AKAP7: variants seen among roughly 807,000 people sequenced by gnomAD.
AKAP7 encodes A-kinase anchoring protein 7.
Under a neutral mutation model 39.5 loss-of-function variants are expected in AKAP7, and 39 were observed. That is an observed-to-expected ratio of 0.99 (90% CI 0.76 to 1.29). The LOEUF is 1.29. AKAP7 is among the 50% of genes most tolerant of loss of function. The probability of loss-of-function intolerance (pLI) is 0.00; values close to 1 mark genes in which losing one functional copy is unlikely to be tolerated. For synonymous variants in AKAP7, 140 were observed against 139.1 expected (o/e 1.01, Z -0.05); for missense variants, 414 against 407.7 (o/e 1.02, Z -0.13).
chr6:131,258,154 A>C (rs1331470595), intron 7 of AKAP7, among the ~76,000 whole-genome samples: 1 of 152,188 alleles, frequency 6.6e-6, no homozygotes, highest in Non-Finnish European at 1.5e-5. Flanking sequence ...GCTGCTGTTA[A>C]GGAATAGCAG....
At chr6:131,158,321 C>CA (rs1802606267) in intron 2 of AKAP7, among the ~76,000 whole-genome samples, 1 of 152,132 alleles carries the variant, frequency 6.6e-6, no homozygotes, top group Non-Finnish European at 1.5e-5. Flanking sequence ...GACTTCTTTT[C>CA]ACAATCCTTC....
chr6:131,198,767 C>T lies in AKAP7; in HGVS notation c.590-694C>T, dbSNP rs184979478. On this transcript the variant is annotated intron_variant, in intron 5 of 7. Transcript: ENST00000431975. ...CTTGTTAAAGTACTAGACACTCTTC[C>T]CTCTAATCCTTTTGAATGTGTTTTT... is the stretch of plus-strand genomic sequence containing the variant. Among the ~76,000 whole-genome samples the T allele has an allele frequency of 1.7e-3, 261 of 152,228 alleles. 1 individual carries two copies. Among genetic ancestry groups the T allele is most frequent in the African/African-American group, 6.1e-3 (254 of 41,540 alleles).
intron 6 of AKAP7, among the ~76,000 whole-genome samples, chr6:131,206,017 A>G (rs1291849547): frequency 6.6e-6 from 1 of 152,248 alleles, no homozygotes; most frequent in Non-Finnish European, 1.5e-5. Flanking sequence ...CTTGGGTTTC[A>G]GTGATTTCAA....
intron 5 of AKAP7, among the ~76,000 whole-genome samples, chr6:131,172,799 A>G (rs1480969002): frequency 2.0e-5 from 3 of 152,216 alleles, no homozygotes; most frequent in Non-Finnish European, 2.9e-5. Context: ...TTTTGGCATT[A>G]TTTGATGATT....
intron 4 of AKAP7, among the ~76,000 whole-genome samples, chr6:131,165,860 A>G (rs990094369): frequency 3.3e-5 from 5 of 152,054 alleles, no homozygotes; most frequent in African/African-American, 4.8e-5. Flanking sequence ...TCTTATCCGT[A>G]CTTAGATTTT....
chr6:131,180,072 C>T lies in AKAP7; in HGVS notation c.589+10799C>T, dbSNP rs150991701. On this transcript the variant is annotated intron_variant, in intron 5 of 7. Transcript: ENST00000431975. The stretch of plus-strand genomic sequence containing the variant: ...TTCCTCATGTCTGCTGTTGCTGCCC[C>T]AGCCCCCTGTTTGGAGCAACTATAA... 3.5e-3 allele frequency among the ~76,000 whole-genome samples: 527 copies of T among 152,300 alleles called. 4 individuals are homozygous for T. The highest frequency in any genetic ancestry group is 0.012 in the African/African-American group (506 of 41,572).
At chr6:131,186,353 A>C (rs1020385842) in intron 5 of AKAP7, among the ~76,000 whole-genome samples, 8 of 152,242 alleles carry the variant, frequency 5.3e-5, no homozygotes, top group Admixed American at 3.9e-4. Flanking sequence ...AGATGCTGGC[A>C]TTATGCTTCC....
intron 7 of AKAP7, among the ~76,000 whole-genome samples, chr6:131,277,458 A>G (rs1814840380): frequency 6.6e-6 from 1 of 152,194 alleles, no homozygotes. Context: ...ATATCAAAAG[A>G]TAGTTTGTGT....
chr6:131,141,918 T>G (rs1392233245), intron 1 of AKAP7, among the ~76,000 whole-genome samples: 1 of 148,120 alleles, frequency 6.8e-6, no homozygotes, highest in Non-Finnish European at 1.5e-5. Context: ...TTTTTTTTTT[T>G]GCAACAGGGT....
At chr6:131,161,424 C>G (rs1312281900) in intron 3 of AKAP7, among the ~76,000 whole-genome samples, 1 of 151,554 alleles carries the variant, frequency 6.6e-6, no homozygotes, top group South Asian at 2.1e-4. Context: ...GTGGATGGAT[C>G]CCTCGAGCCC....
chr6:131,219,504 C>T (rs1307239406), intron 6 of AKAP7, among the ~76,000 whole-genome samples, 157 bp from the exon 7 acceptor site: 3 of 152,048 alleles, frequency 2.0e-5, no homozygotes, highest in Admixed American at 1.3e-4. Flanking sequence ...AAAACAACTT[C>T]ACAACAATTT....
At chr6:131,159,722 G>A (rs1053421277) in intron 2 of AKAP7, among the ~76,000 whole-genome samples, 3 of 152,184 alleles carry the variant, frequency 2.0e-5, no homozygotes, top group African/African-American at 4.8e-5. Flanking sequence ...TTGTGGTGCC[G>A]GGAGCTGTGC....
At chr6:131,241,579 G>GTGTGTT (rs1811564190) in intron 7 of AKAP7, among the ~76,000 whole-genome samples, 3 of 64,702 alleles carry the variant, frequency 4.6e-5, no homozygotes, top group Admixed American at 3.1e-4. Context: ...TTATATATAT[G>GTGTGTT]TGTGTGTGTG....
intron 5 of AKAP7, among the ~76,000 whole-genome samples, chr6:131,182,510 G>A (rs931207227): frequency 3.9e-5 from 6 of 152,166 alleles, no homozygotes; most frequent in Admixed American, 6.5e-5. Context: ...ATAATATTCC[G>A]TGGTATATGT....
intron 5 of AKAP7, among the ~76,000 whole-genome samples, chr6:131,192,866 A>T (rs1806554866): frequency 6.6e-6 from 1 of 151,680 alleles, no homozygotes; most frequent in Admixed American, 6.6e-5. Flanking sequence ...TACTTTTTGG[A>T]TTTCTTTTTC....
In AKAP7 at chr6:131,199,551, A is replaced by G. The variant is rs34324046; in HGVS notation, c.680A>G (p.Lys227Arg). ...CATTTGACCTTCATGAAGTTGTCAA[A>G]ATCACCGTGGCTCCGTAAGAATGTG... ...KPHLTFMKLS[K>R]SPWLRKNGVK... The change falls in exon 6 of 8, where the codon AAA (lysine) becomes AGA (arginine). Residue 227 changes from lysine (K) to arginine (R), a missense_variant. Coordinates refer to ENST00000431975, the MANE Select transcript of AKAP7 (RefSeq NM_016377.4). 33,456 of 1,608,588 alleles carry G rather than the reference A, an allele frequency of 0.021. 484 individuals are homozygous for G. Among genetic ancestry groups the G allele is most frequent in the Admixed American group, 0.058 (3,469 of 59,894 alleles).
intron 2 of AKAP7, among the ~76,000 whole-genome samples, chr6:131,157,490 G>A (rs1584968684): frequency 6.6e-6 from 1 of 152,272 alleles, no homozygotes; most frequent in Non-Finnish European, 1.5e-5. Flanking sequence ...TTCTTCATTA[G>A]CATATTTTGT....
intron 2 of AKAP7, among the ~76,000 whole-genome samples, chr6:131,153,686 G>A (rs936425991): frequency 2.0e-5 from 3 of 152,104 alleles, no homozygotes; most frequent in Non-Finnish European, 2.9e-5. Flanking sequence ...GAAATACTGT[G>A]TTAATTCTGT....
rs1483927593 is a variant in AKAP7, at chr6:131,145,431, A to G, written c.151+15A>G. The G allele has an allele frequency of 7.0e-7, 1 of 1,425,316 alleles. No homozygotes were observed. The highest frequency in any genetic ancestry group is 9.3e-7 in the Non-Finnish European group (1 of 1,077,818). The allele number at this position is 1,425,316 out of a possible 1,614,324, so 88.3% of individuals were successfully genotyped here. On this transcript the variant is annotated intron_variant, in intron 2 of 7. Transcript: ENST00000431975. ...TGACTGTGGAAGTAAGTACTTTATT[A>G]AGTAAACGCGTATTTAGAAGCAATG...
Sources: allele counts gnomAD v4.1 joint callset (sites outside exome capture counted in the v4.1 genomes callset), GRCh38; gene constraint gnomAD v4.1.1; transcripts MANE v1.5; gene names NCBI Gene and HGNC (gene_info 2026-07-23, HGNC 2026-07-21).